CPED1: variants seen among roughly 807,000 people sequenced by gnomAD.
CPED1 encodes the protein cadherin like and PC-esterase domain containing 1.
Under a neutral mutation model 128.2 loss-of-function variants are expected in CPED1, and 114 were observed. That is an observed-to-expected ratio of 0.89 (90% CI 0.76 to 1.04). CPED1 has a LOEUF of 1.04. Among genes scored for constraint, CPED1 ranks in the 50% least tolerant of loss-of-function variants. The pLI is 0.00. For missense variants in CPED1, 1,211 were observed against 1,207.1 expected (o/e 1.00, Z -0.05); for synonymous variants, 462 against 426.7 (o/e 1.08, Z -1.02).
chr7:121,269,662 T>C (rs1264340291), intron 21 of CPED1, among the ~76,000 whole-genome samples: 1 of 152,228 alleles, frequency 6.6e-6, no homozygotes, highest in East Asian at 1.9e-4. Context: ...CATCTGTTAA[T>C]TTTTTACTTT....
intron 16 of CPED1, among the ~76,000 whole-genome samples, chr7:121,145,702 C>T (rs1167343387): frequency 6.6e-6 from 1 of 151,846 alleles, no homozygotes; most frequent in Non-Finnish European, 1.5e-5. Context: ...TATTTAATCT[C>T]ATTAGTGTCT....
In CPED1 at chr7:121,015,708, G is replaced by GGGCC; in HGVS notation, c.294_297dup (p.Ile100GlyfsTer32). On this transcript the variant is annotated frameshift_variant, in exon 3 of 23. Coordinates refer to ENST00000310396, the MANE Select transcript of CPED1 (RefSeq NM_024913.5). LOFTEE classifies it high-confidence loss of function. Reference sequence around the variant, plus strand: ...ACACACTTTGGCAGCCATGGCCGAAGGGCCATACTCTACAGGCCTCCTTTC... The same window carrying GGGCC: ...ACACACTTTGGCAGCCATGGCCGAAGGGCCGGCCATACTCTACAGGCCTCCTTTC... 6.2e-7 allele frequency: 1 copy of GGGCC among 1,605,570 alleles called. No individual in the cohort carries two copies. Among genetic ancestry groups the GGGCC allele is most frequent in the Non-Finnish European group, 8.5e-7 (1 of 1,177,450 alleles).
chr7:121,196,909 A>G (rs1009804178), intron 16 of CPED1, among the ~76,000 whole-genome samples: 1 of 152,044 alleles, frequency 6.6e-6, no homozygotes, highest in South Asian at 2.1e-4. Context: ...GGAAAGTTAA[A>G]AAACACCATT....
At chr7:121,061,223 C>A (rs974032214) in intron 4 of CPED1, 1 of 958,660 alleles carries the variant, frequency 1.0e-6, no homozygotes, top group Non-Finnish European at 1.2e-6. Flanking sequence ...GGATAGAAAT[C>A]TCTTCTAATG....
At chr7:121,080,416 C>T (rs1794254685) in intron 5 of CPED1, among the ~76,000 whole-genome samples, 1 of 152,128 alleles carries the variant, frequency 6.6e-6, no homozygotes, top group African/African-American at 2.4e-5. Flanking sequence ...AGGAGTTAAT[C>T]TGAAACCTGG....
At chr7:121,087,665 C>CTTTTT (rs72453872) in intron 5 of CPED1, among the ~76,000 whole-genome samples, 33,730 of 130,782 alleles carry the variant, frequency 0.26, 4,946 homozygotes, top group Middle Eastern at 0.37. Flanking sequence ...CTTTTCTTTC[C>CTTTTT]TGTTTTTTTT....
Position 121,074,509 on chromosome 7 carries a change from G to GTGTTTTTTT in CPED1, c.616+10197_616+10198insGTTTTTTTT, listed in dbSNP as rs1246517373. On this transcript the variant is annotated intron_variant, in intron 5 of 22. Transcript: ENST00000310396. ...TTCCTTACTAATAAATTTCCTTTGT[G>GTGTTTTTTT]TTTTTTTTTTTTTTTTTTGAGGGCA... Among the ~76,000 whole-genome samples the GTGTTTTTTT allele has an allele frequency of 6.2e-5, 5 of 80,838 alleles. 1 individual carries two copies. Among genetic ancestry groups the GTGTTTTTTT allele is most frequent in the South Asian group, 4.6e-4 (1 of 2,182 alleles). The allele number at this position is 80,838 out of a possible 152,430, so 53.0% of individuals were successfully genotyped here.
intron 18 of CPED1, among the ~76,000 whole-genome samples, chr7:121,249,345 G>A (rs1367260978): frequency 2.0e-5 from 3 of 152,038 alleles, no homozygotes; most frequent in Admixed American, 2.0e-4. Flanking sequence ...TATGCTATAT[G>A]AAATGACCAT....
intron 2 of CPED1, among the ~76,000 whole-genome samples, chr7:121,006,930 G>T (rs977359008): frequency 2.6e-5 from 4 of 152,100 alleles, no homozygotes; most frequent in Non-Finnish European, 4.4e-5. Context: ...AAAGAGTATA[G>T]GTTCCTTCAC....
chr7:121,274,831 G>A (rs1227931408), intron 22 of CPED1, among the ~76,000 whole-genome samples: 1 of 152,040 alleles, frequency 6.6e-6, no homozygotes, highest in Non-Finnish European at 1.5e-5. Flanking sequence ...ACTCTTTATA[G>A]AGGACATTTG....
chr7:121,034,112 T>A (rs780723525), intron 3 of CPED1, among the ~76,000 whole-genome samples: 2 of 152,086 alleles, frequency 1.3e-5, no homozygotes, highest in Non-Finnish European at 2.9e-5. Context: ...GAATTTGGCA[T>A]AAGGAATGTC....
At chr7:121,240,201 T>C (rs946189466) in intron 17 of CPED1, among the ~76,000 whole-genome samples, 17 of 152,220 alleles carry the variant, frequency 1.1e-4, no homozygotes, top group African/African-American at 4.1e-4. Flanking sequence ...ACAAACTAAT[T>C]GCACCCACAT....
chr7:121,248,930 C>A (rs1798602617), intron 18 of CPED1, among the ~76,000 whole-genome samples: 1 of 152,084 alleles, frequency 6.6e-6, no homozygotes, highest in Non-Finnish European at 1.5e-5. Context: ...TCCAAGAAAT[C>A]CATAAAATGA....
chr7:121,165,082 G>T (rs1796493260), intron 16 of CPED1, among the ~76,000 whole-genome samples: 1 of 151,870 alleles, frequency 6.6e-6, no homozygotes, highest in Non-Finnish European at 1.5e-5. Context: ...TGATTGTTTT[G>T]CTAACATAAA....
chr7:121,173,068 CAG>C (rs1397030349), intron 16 of CPED1, among the ~76,000 whole-genome samples: 2 of 152,104 alleles, frequency 1.3e-5, no homozygotes, highest in Non-Finnish European at 2.9e-5. Flanking sequence ...GGGCAGCTGA[CAG>C]GGGGTTGGTA....
At chr7:121,282,094 T>G (rs1792475251) in intron 22 of CPED1, among the ~76,000 whole-genome samples, 1 of 152,186 alleles carries the variant, frequency 6.6e-6, no homozygotes, top group South Asian at 2.1e-4. Context: ...GCTCCTTTCC[T>G]CTTAGATATA....
intron 16 of CPED1, among the ~76,000 whole-genome samples, chr7:121,143,463 A>G (rs1489706966): frequency 6.6e-6 from 1 of 152,110 alleles, no homozygotes; most frequent in Middle Eastern, 3.4e-3. Flanking sequence ...ACACTGGTCT[A>G]CACTATGGAG....
chr7:121,089,438 A>G (rs1794523974), intron 5 of CPED1, among the ~76,000 whole-genome samples: 1 of 152,218 alleles, frequency 6.6e-6, no homozygotes, highest in Non-Finnish European at 1.5e-5. Flanking sequence ...ATTGAAGGTT[A>G]AATTTGCCTG....
At chr7:121,097,949 A>T in intron 6 of CPED1, 118 bp downstream of exon 6, 1 of 995,696 alleles carries the variant, frequency 1.0e-6, no homozygotes, top group South Asian at 2.1e-5. Flanking sequence ...TTTCTCTTAC[A>T]TAAATTTTCA....
Sources: gnomAD v4.1 joint callset for allele counts (sites outside exome capture counted in the v4.1 genomes callset) on GRCh38, gnomAD v4.1.1 for gene constraint, MANE v1.5 for transcripts, NCBI Gene and HGNC (gene_info 2026-07-23, HGNC 2026-07-21) for gene names.